Variants in GPR137 observed in about 807,000 individuals in gnomAD.
The protein encoded by GPR137 is G protein-coupled receptor 137.
A neutral mutation model predicts 38.9 loss-of-function variants in GPR137; 20 were observed. The ratio of observed to expected loss-of-function variants is 0.51; its 90% CI spans 0.36 to 0.75. The LOEUF (loss-of-function observed/expected upper bound fraction) is 0.75. Ranked by LOEUF, GPR137 falls within the 30% of genes least tolerant of loss-of-function variation. The pLI is 0.00. For synonymous variants in GPR137, 226 were observed against 235.8 expected, an observed-to-expected ratio of 0.96 and a Z score of 0.38; for missense variants, 456 against 526.4, an observed-to-expected ratio of 0.87 and a Z score of 1.31.
At chr11:64,275,139 C>A (rs889771718), upstream of GPR137, among the ~76,000 whole-genome samples, 1 of 151,676 alleles carries the variant, frequency 6.6e-6, no homozygotes, top group Non-Finnish European at 1.5e-5. Context: ...GGTGGGGATA[C>A]CTCAAGACCC....
intron 2 of GPR137, among the ~76,000 whole-genome samples, chr11:64,278,838 T>C (rs2135125228): frequency 6.6e-6 from 1 of 152,136 alleles, no homozygotes; most frequent in Non-Finnish European, 1.5e-5. Context: ...CAAGTGTGAG[T>C]TGCTCTGCGC....
chr11:64,273,682 C>T (rs2135101571), upstream of GPR137, among the ~76,000 whole-genome samples: 1 of 151,838 alleles, frequency 6.6e-6, no homozygotes, highest in Admixed American at 6.6e-5. Flanking sequence ...GAGTTTAAGA[C>T]CAGACTGACC....
upstream of GPR137, among the ~76,000 whole-genome samples, chr11:64,280,895 T>C (rs1266869275): frequency 2.0e-5 from 3 of 151,286 alleles, no homozygotes; most frequent in Non-Finnish European, 4.4e-5. Flanking sequence ...CTTGAACTCC[T>C]GACCTCAAGT....
chr11:64,271,596 TG>T, upstream of GPR137: 5 of 1,414,924 alleles, frequency 3.5e-6, no homozygotes, highest in South Asian at 1.5e-5. Context: ...CCTGGCACGC[TG>T]GGGACTGGCG....
In GPR137 at chr11:64,286,758, C is replaced by T. The variant is rs368889351; in HGVS notation, c.234C>T (p.Ser78=). 1.2e-6 allele frequency: 2 copies of T among 1,612,334 alleles called. No homozygotes were observed. The highest frequency in any genetic ancestry group is 2.7e-5 in the African/African-American group (2 of 74,894). Residue 78 remains serine, a synonymous_variant, in exon 1 of 7, where the codon TCC becomes TCT. Coordinates refer to ENST00000438980, the MANE Select transcript of GPR137 (RefSeq NM_001170880.2). ...CCGCCTTGCGTACCACCCTCTTCTC[C>T]TTCTACTTCCGAGATACTCCCCGCG... The part of the protein sequence containing the change: ...LWAALRTTLF[S]FYFRDTPRAN...
rs2034060870 is a variant in GPR137 at position 64,286,403 on chromosome 11, C to T, written c.-122C>T. 2.1e-6 allele frequency: 3 copies of T among 1,448,982 alleles called. No individual in the cohort carries two copies. Among genetic ancestry groups the T allele is most frequent in the Non-Finnish European group, 2.7e-6 (3 of 1,105,924 alleles). The allele number at this position is 1,448,982 out of a possible 1,614,324, so 89.8% of individuals were successfully genotyped here. ...GGGGCCTGTCAGCCACAACTTCTTT[C>T]CTCCTGAGCGCCCCATCTCCCTCTC... On this transcript the variant is annotated 5_prime_UTR_variant, in exon 1 of 7. Coordinates refer to ENST00000438980, the MANE Select transcript of GPR137 (RefSeq NM_001170880.2).
At position 64,289,319 on chromosome 11, in the gene GPR137, C is replaced by T. The variant is rs761684438; in HGVS notation, c.*123C>T. The T allele has an allele frequency of 8.7e-6, 14 of 1,609,908 alleles. No homozygotes were observed. Among genetic ancestry groups the T allele is most frequent in the African/African-American group, 2.7e-5 (2 of 74,886 alleles). On this transcript the variant is annotated 3_prime_UTR_variant, in exon 7 of 7. Coordinates refer to ENST00000438980, the MANE Select transcript of GPR137 (RefSeq NM_001170880.2). ...GGTCGTGGCTACCCCCTCCTCTGGC[C>T]GGCTCCTTGCTGCTCCTGTCATAGT...
upstream of GPR137, among the ~76,000 whole-genome samples, chr11:64,280,816 C>T (rs1002257584): frequency 2.0e-5 from 3 of 151,750 alleles, no homozygotes; most frequent in Middle Eastern, 3.2e-3. Context: ...TACAGGCGCC[C>T]ACCACCACAT....
chr11:64,285,112 T>C (rs932118954), upstream of GPR137: 64 of 1,039,464 alleles, frequency 6.2e-5, no homozygotes, highest in Non-Finnish European at 7.3e-5. Context: ...AGCCGTCGGA[T>C]GTGATTATTG....
rs765155834 is a variant in GPR137, at chr11:64,286,773, T to C, written c.249T>C (p.Asp83=). 10 of 1,611,274 alleles carry C rather than the reference T, an allele frequency of 6.2e-6. No individual in the cohort carries two copies. The African/African-American group carries it at 1.2e-4, about 19-fold the overall frequency. Residue 83 remains aspartate, a synonymous_variant, in exon 1 of 7, where the codon GAT becomes GAC. Coordinates refer to ENST00000438980, the MANE Select transcript of GPR137 (RefSeq NM_001170880.2). ...CCCTCTTCTCCTTCTACTTCCGAGA[T>C]ACTCCCCGCGCCAACCGCCTGGGGC... ...RTTLFSFYFR[D]TPRANRLGPL...
At chr11:64,287,697 G>A (rs772344179) in intron 2 of GPR137, 24 bp from the exon 3 acceptor site, 32 of 1,601,144 alleles carry the variant, frequency 2.0e-5, no homozygotes, top group East Asian at 8.9e-5. Context: ...TTGAGGGCCC[G>A]CGCTGACTGT....
In GPR137 at chr11:64,286,359, G is replaced by T; in HGVS notation, c.-166G>T. 1 of 1,412,136 alleles carries T rather than the reference G, an allele frequency of 7.1e-7. No individual in the cohort carries two copies. Among genetic ancestry groups the T allele is most frequent in the East Asian group, 2.6e-5 (1 of 38,106 alleles). The allele number at this position is 1,412,136 out of a possible 1,614,324, so 87.5% of individuals were successfully genotyped here. ...CTGCCTGTGTTCCCCAAGGGCAAGG[G>T]TCTCTCTGTTGAGGAGGAGGGGCCT... On this transcript the variant is annotated 5_prime_UTR_variant, in exon 1 of 7. Transcript: ENST00000438980.
Position 64,285,875 on chromosome 11 carries a change from C to A in GPR137, c.-650C>A. On this transcript the variant is annotated 5_prime_UTR_variant, in exon 1 of 7. Transcript: ENST00000438980. ...AGCAGCGGGAGCCGGGGAGCCGGAG[C>A]CCCGGGTCCCCACGACCTGAGCCGG... 1 of 978,482 alleles carries A rather than the reference C, an allele frequency of 1.0e-6. No individual in the cohort carries two copies. The highest frequency in any genetic ancestry group is 1.2e-6 in the Non-Finnish European group (1 of 823,658). 60.6% of individuals were successfully genotyped at this position (978,482 alleles called of 1,614,324 possible). A position where few individuals can be genotyped will look rare whatever the true frequency, so the allele number is the denominator to read the frequency against.
chr11:64,278,684 C>T (rs1486626271), intron 2 of GPR137, among the ~76,000 whole-genome samples: 1 of 152,212 alleles, frequency 6.6e-6, no homozygotes, highest in African/African-American at 2.4e-5. Flanking sequence ...CTGCTTCTTT[C>T]TGCCTCTCCA....
In GPR137 at chr11:64,288,484, C is replaced by T; in HGVS notation, c.912+16C>T. 6.2e-7 allele frequency: 1 copy of T among 1,613,114 alleles called. No homozygotes were observed. The highest frequency in any genetic ancestry group is 2.2e-5 in the East Asian group (1 of 44,878). ...ACAGGACCTGGTAAGGGTCTGCTCC[C>T]TCTTCTGTGGGGCCAGTGGAGGGGG... On this transcript the variant is annotated intron_variant, in intron 5 of 6. Transcript: ENST00000438980. This position sits in a 1 kb window ranked among gnomAD's most constrained non-coding sequence, Gnocchi z 5.5.
upstream of GPR137, chr11:64,275,594 TGAG>T (rs2033000980): frequency 6.6e-6 from 1 of 152,066 alleles, no homozygotes; most frequent in South Asian, 2.1e-4. Context: ...GTTGTACAGA[TGAG>T]GAAACAGAGG....
Position 64,287,037 on chromosome 11 carries a change from G to A in GPR137, c.407+23G>A, listed in dbSNP as rs568709513. 6.2e-6 allele frequency: 10 copies of A among 1,610,838 alleles called. No individual in the cohort carries two copies. The African/African-American group carries it at 1.2e-4, about 19-fold the overall frequency. ...CTTGTAAGTACTCGGGACACTGGTG[G>A]GCTCAGCCTCCAGGTCAGGGGCAGG... On this transcript the variant is annotated intron_variant, in intron 2 of 6. Coordinates refer to ENST00000438980, the MANE Select transcript of GPR137 (RefSeq NM_001170880.2).
In GPR137 at chr11:64,286,469, G is replaced by A. The variant is rs775169182; in HGVS notation, c.-56G>A. ...CCACCCCTCCGTATTTATTTCCCTG[G>A]TCCCGCCGACAGTCCCTCCTTGTCT... On this transcript the variant is annotated 5_prime_UTR_variant, in exon 1 of 7. Transcript: ENST00000438980. 4.5e-6 allele frequency: 7 copies of A among 1,557,404 alleles called. No homozygotes were observed. In the South Asian group the frequency reaches 7.3e-5, roughly 16 times the overall value.
chr11:64,272,788 GTGA>G (rs1401234344), upstream of GPR137: 1 of 152,316 alleles, frequency 6.6e-6, no homozygotes, highest in African/African-American at 2.4e-5. Context: ...CCAGAGTCCA[GTGA>G]TGATCAGCGG....
Sources: gnomAD v4.1 joint callset for allele counts (sites outside exome capture counted in the v4.1 genomes callset) on GRCh38, gnomAD v4.1.1 for gene constraint, Gnocchi (gnomAD v3.1) non-coding constraint, MANE v1.5 for transcripts, NCBI Gene and HGNC (gene_info 2026-07-23, HGNC 2026-07-21) for gene names.